Variants in R3HDM2 observed in about 807,000 individuals in gnomAD.
R3HDM2 encodes R3H domain containing 2, also known as R3H domain-containing protein 2.
In R3HDM2, 38 loss-of-function variants were observed where a neutral mutation model predicts 124.5. That is an observed-to-expected ratio of 0.31 (90% CI 0.24 to 0.40). The LOEUF is 0.40. R3HDM2 is among the 10% of genes least tolerant of loss of function. R3HDM2 has a pLI of 1.00. For synonymous variants in R3HDM2, 391 were observed against 448.0 expected, an observed-to-expected ratio of 0.87 and a Z score of 1.61; for missense variants, 869 against 1,236.9, an observed-to-expected ratio of 0.70 and a Z score of 4.46.
intron 1 of R3HDM2, among the ~76,000 whole-genome samples, chr12:57,424,442 G>A (rs773325640): frequency 2.8e-4 from 42 of 151,710 alleles, no homozygotes; most frequent in Non-Finnish European, 4.7e-4. Flanking sequence ...AATTACAGGC[G>A]TGAGCCACCA....
At chr12:57,300,762 A>T (rs2050941368) in intron 4 of R3HDM2, among the ~76,000 whole-genome samples, 2 of 152,166 alleles carry the variant, frequency 1.3e-5, no homozygotes, top group African/African-American at 4.8e-5. Flanking sequence ...ATGCTAAATG[A>T]CTCCAAACCT....
At chr12:57,393,602 CAAAT>C (rs1020058824) in intron 2 of R3HDM2, among the ~76,000 whole-genome samples, 2 of 152,104 alleles carry the variant, frequency 1.3e-5, no homozygotes, top group East Asian at 3.9e-4. Context: ...AGCATACTAA[CAAAT>C]ACATACTAGG....
rs565455887 is a variant in R3HDM2, at chr12:57,409,084, T to C, written c.-105-13266A>G. On this transcript the variant is annotated intron_variant, in intron 1 of 23. Coordinates refer to ENST00000402412, the MANE Select transcript of R3HDM2 (RefSeq NM_001394031.1). The stretch of plus-strand genomic sequence containing the variant: ...TCATTAATTGTTCATTTTTTATCTC[T>C]ATAGCTAGCCAGTCAGTAAGGTTCT... 1.8e-4 allele frequency among the ~76,000 whole-genome samples: 27 copies of C among 152,238 alleles called. No homozygotes were observed. In the South Asian group the frequency reaches 4.4e-3, roughly 25 times the overall value.
intron 2 of R3HDM2, among the ~76,000 whole-genome samples, chr12:57,374,475 A>C (rs190536357): frequency 1.2e-4 from 18 of 148,486 alleles, no homozygotes; most frequent in South Asian, 2.2e-4. Flanking sequence ...TGAGGTCAGG[A>C]GTTCGAGACC....
chr12:57,351,507 G>C (rs2060675420), intron 2 of R3HDM2, among the ~76,000 whole-genome samples: 1 of 152,180 alleles, frequency 6.6e-6, no homozygotes, highest in South Asian at 2.1e-4. Flanking sequence ...GTAGCAGATG[G>C]AGAATTCATA....
intron 2 of R3HDM2, among the ~76,000 whole-genome samples, chr12:57,312,584 T>C (rs1312178404): frequency 1.3e-5 from 2 of 152,106 alleles, no homozygotes; most frequent in African/African-American, 2.4e-5. Context: ...AGTCATATAG[T>C]TGACGGCCAG....
chr12:57,380,562 T>A (rs2064713997), intron 2 of R3HDM2, among the ~76,000 whole-genome samples: 1 of 152,180 alleles, frequency 6.6e-6, no homozygotes, highest in Admixed American at 6.6e-5. Flanking sequence ...AAAGACACAA[T>A]AAGATTGCAT....
intron 2 of R3HDM2, among the ~76,000 whole-genome samples, chr12:57,386,153 G>GCCCT (rs1238652674): frequency 1.6e-5 from 2 of 124,624 alleles, no homozygotes; most frequent in East Asian, 2.7e-4. Context: ...CGTGCTGGCA[G>GCCCT]CGCTCGCAGC....
intron 1 of R3HDM2, among the ~76,000 whole-genome samples, chr12:57,403,210 T>C (rs1324621518): frequency 6.6e-6 from 1 of 151,802 alleles, no homozygotes; most frequent in Non-Finnish European, 1.5e-5. Flanking sequence ...ACGAAACAAT[T>C]TGCCGGGTGC....
chr12:57,347,212 C>G (rs1318968079), intron 2 of R3HDM2, among the ~76,000 whole-genome samples: 3 of 151,946 alleles, frequency 2.0e-5, no homozygotes, highest in Admixed American at 2.0e-4. Flanking sequence ...TGCCACCGCA[C>G]TCCAGCCTGG....
chr12:57,428,566 A>G (rs546853541), intron 1 of R3HDM2, among the ~76,000 whole-genome samples: 42 of 151,764 alleles, frequency 2.8e-4, no homozygotes, highest in African/African-American at 9.2e-4. Context: ...GAGGCAGGAG[A>G]ATGGCATTTA....
chr12:57,334,793 A>G (rs1311954191), intron 2 of R3HDM2, among the ~76,000 whole-genome samples: 2 of 152,102 alleles, frequency 1.3e-5, no homozygotes, highest in African/African-American at 2.4e-5. Flanking sequence ...CAGCTAAATC[A>G]CAATATTTAA....
intron 14 of R3HDM2, among the ~76,000 whole-genome samples, chr12:57,276,019 C>T (rs1331125419): frequency 6.6e-6 from 1 of 151,862 alleles, no homozygotes; most frequent in Non-Finnish European, 1.5e-5. Flanking sequence ...AGATCGAGAC[C>T]ATCCTGGCTA....
At chr12:57,294,055 G>A (rs530419980) in intron 10 of R3HDM2, among the ~76,000 whole-genome samples, 1 of 152,228 alleles carries the variant, frequency 6.6e-6, no homozygotes, top group East Asian at 1.9e-4. Context: ...CTTAGCCTCA[G>A]TTTTCTTATA....
rs776408688 is a variant in R3HDM2, at chr12:57,256,450, G to A, written c.2511C>T (p.Pro837=). ...TGTAAGTTGACTGGCCATGGAGCAA[G>A]GGAGGGCAGATGGACAGATTGTACT... ...PLQYNLSICP[P]LLHGQSTYTV... is the part of the protein sequence containing the mutation. The change falls in exon 22 of 24, where the codon CCC becomes CCT. Residue 837 remains proline (P), a synonymous_variant. Coordinates refer to ENST00000402412, the MANE Select transcript of R3HDM2 (RefSeq NM_001394031.1). 7 of 1,599,428 alleles carry A rather than the reference G, an allele frequency of 4.4e-6. No individual in the cohort carries two copies. In the East Asian group the frequency reaches 1.1e-4, roughly 26 times the overall value.
intron 2 of R3HDM2, among the ~76,000 whole-genome samples, chr12:57,346,598 C>T (rs1272921289): frequency 6.6e-6 from 1 of 152,098 alleles, no homozygotes; most frequent in Non-Finnish European, 1.5e-5. Flanking sequence ...GAAATAAAGA[C>T]ATTCTCAGAT....
chr12:57,396,448 T>G (rs1416246337), intron 1 of R3HDM2, among the ~76,000 whole-genome samples: 1 of 141,804 alleles, frequency 7.1e-6, no homozygotes, highest in Admixed American at 7.1e-5. Flanking sequence ...CTCAAAAAAA[T>G]AAATAAATAA....
At chr12:57,321,525 G>T (rs1017327310) in intron 2 of R3HDM2, among the ~76,000 whole-genome samples, 1 of 152,030 alleles carries the variant, frequency 6.6e-6, no homozygotes, top group African/African-American at 2.4e-5. Flanking sequence ...GTGGTGGCAT[G>T]CCTGTAATCC....
chr12:57,272,547 G>A (rs753372050), intron 14 of R3HDM2: 18 of 1,533,058 alleles, frequency 1.2e-5, no homozygotes, highest in African/African-American at 2.8e-5. Flanking sequence ...CTGCAGAGCC[G>A]GGACTGGCTG....
Sources: allele counts gnomAD v4.1 joint callset (sites outside exome capture counted in the v4.1 genomes callset), GRCh38; gene constraint gnomAD v4.1.1; transcripts MANE v1.5; gene names NCBI Gene and HGNC (gene_info 2026-07-23, HGNC 2026-07-21).